Variants in SUSD2 observed in about 807,000 individuals in gnomAD.
SUSD2 encodes sushi domain-containing protein 2.
SUSD2 carries 86 observed loss-of-function variants against 93.8 expected under a neutral mutation model. That is an observed-to-expected ratio of 0.92 (90% confidence interval 0.77 to 1.10). The LOEUF (loss-of-function observed/expected upper bound fraction) is 1.10. SUSD2 is among the 50% of genes least tolerant of loss of function. The pLI is 0.00. For missense variants in SUSD2, 1,060 were observed against 1,137.0 expected (o/e 0.93, Z 0.97); for synonymous variants, 483 against 485.0 (o/e 1.00, Z 0.05).
In SUSD2 at chr22:24,186,426, C is replaced by G; in HGVS notation, c.1642+11C>G. 1 of 1,612,144 alleles carries G rather than the reference C, an allele frequency of 6.2e-7. No homozygotes were observed. Among genetic ancestry groups the G allele is most frequent in the Non-Finnish European group, 8.5e-7 (1 of 1,179,614 alleles). ...GGATGGACCTGAAAGGTGAGCAGTC[C>G]AGCCACGCGAGGCTGCGGGCTGCCC... On this transcript the variant is annotated intron_variant, in intron 10 of 14. Coordinates refer to ENST00000358321, the MANE Select transcript of SUSD2 (RefSeq NM_019601.4).
Position 24,184,867 on chromosome 22 carries a change from G to T in SUSD2, c.709G>T (p.Ala237Ser). The change falls in exon 5 of 15, where the codon GCT becomes TCT. Residue 237 changes from alanine (A) to serine (S), a missense_variant. Transcript: ENST00000358321. ...SGSFTFTPKPAPPSYQRWRVG... is the reference protein window; with the variant it reads ...SGSFTFTPKPSPPSYQRWRVG... ...CTCTTTCACTTTCACCCCAAAACCTGCTCCTCCCAGCTACCAGAGATGGCG... is the reference window on the plus strand; with the variant it reads ...CTCTTTCACTTTCACCCCAAAACCTTCTCCTCCCAGCTACCAGAGATGGCG... 1.2e-6 allele frequency: 2 copies of T among 1,613,988 alleles called. No homozygotes were observed. Among genetic ancestry groups the T allele is most frequent in the South Asian group, 2.2e-5 (2 of 91,092 alleles).
Position 24,188,544 on chromosome 22 carries a change from A to T in SUSD2, c.*108A>T. 9.3e-7 allele frequency: 1 copy of T among 1,070,390 alleles called. No individual in the cohort carries two copies. The highest frequency in any genetic ancestry group is 1.4e-6 in the Non-Finnish European group (1 of 725,218). 66.3% of individuals were successfully genotyped at this position (1,070,390 alleles called of 1,614,324 possible). On this transcript the variant is annotated 3_prime_UTR_variant, in exon 15 of 15. Transcript: ENST00000358321. This position sits in a 1 kb window ranked among gnomAD's most constrained non-coding sequence, Gnocchi z 4.7. The stretch of plus-strand genomic sequence containing the variant: ...CAGACACCTGGGACCTGGATACTTG[A>T]TACCTGGGCATTTAACCCCCTACTC...
intron 10 of SUSD2, chr22:24,186,652 C>CT: frequency 1.8e-6 from 1 of 570,444 alleles, no homozygotes; most frequent in Non-Finnish European, 3.1e-6. Flanking sequence ...CGGGAGCCTT[C>CT]TGGAGGGGAA....
At chr22:24,182,927 A>G (rs1446948454) in intron 1 of SUSD2, 130 bp from the exon 2 acceptor site, 6 of 707,808 alleles carry the variant, frequency 8.5e-6, no homozygotes, top group Non-Finnish European at 9.4e-6. Flanking sequence ...TGGCCTGTGC[A>G]GTTCCTGGCC....
chr22:24,186,090 G>T lies in SUSD2; in HGVS notation c.1414G>T (p.Val472Leu). ...NFTFNGRGEY[V>L]LLEAALTDLR... ...CACATTCAATGGGCGCGGAGAGTAC[G>T]TGCTGCTGGAGGCAGCGCTGACCGA... Residue 472 changes from valine to leucine, a missense_variant, in exon 9 of 15, where the codon GTG becomes TTG. Transcript: ENST00000358321. The T allele has an allele frequency of 6.2e-7, 1 of 1,612,784 alleles. No individual in the cohort carries two copies. Among genetic ancestry groups the T allele is most frequent in the Non-Finnish European group, 8.5e-7 (1 of 1,179,766 alleles).
Position 24,184,125 on chromosome 22 carries a change from C to T in SUSD2, c.440-11C>T, listed in dbSNP as rs2047344474. 1 of 1,611,680 alleles carries T rather than the reference C, an allele frequency of 6.2e-7. No homozygotes were observed. Among genetic ancestry groups the T allele is most frequent in the Non-Finnish European group, 8.5e-7 (1 of 1,179,918 alleles). On this transcript the variant is annotated splice_polypyrimidine_tract_variant and intron_variant, in intron 3 of 14. Coordinates refer to ENST00000358321, the MANE Select transcript of SUSD2 (RefSeq NM_019601.4). ...CCAGGCCCTCACTCACCCCTCACCT[C>T]CCCTGCCCAGTGCACCCCAACAAAG...
intron 3 of SUSD2, 21 bp from the exon 4 acceptor site, chr22:24,184,115 C>G: frequency 6.2e-7 from 1 of 1,610,934 alleles, no homozygotes; most frequent in Non-Finnish European, 8.5e-7. Flanking sequence ...CCCTCACTCA[C>G]CCCTCACCTC....
Position 24,185,270 on chromosome 22 carries a change from C to A in SUSD2, c.959C>A (p.Ala320Asp), listed in dbSNP as rs754265206. Residue 320 changes from alanine to aspartate, a missense_variant, in exon 6 of 15, where the codon GCC becomes GAC. Around this residue, in one of 2 missense-constraint regions of SUSD2, gnomAD observed 973 missense variants for 1,005.3 expected, o/e 0.97. Transcript: ENST00000358321. The part of the protein sequence containing the change: ...LPDCPCTLTQ[A>D]RADSGRFFTD... ...GACTGCCCCTGCACCCTGACCCAGG[C>A]CCGGGCTGACTCCGGCCGCTTCTTC... 5.6e-6 allele frequency: 9 copies of A among 1,605,382 alleles called. 2 individuals carry two copies. In the South Asian group the frequency reaches 9.9e-5, roughly 18 times the overall value.
Position 24,185,871 on chromosome 22 carries a change from C to T in SUSD2, c.1281C>T (p.Pro427=), listed in dbSNP as rs146025959. The part of the protein sequence containing the change: ...YYCCLWAPDC[P]RYMQRRPSND... ...GCTGCCTCTGGGCACCCGACTGCCCCCGCTACATGCAACGGCGGCCCTCCA... is the reference window on the plus strand; with the variant it reads ...GCTGCCTCTGGGCACCCGACTGCCCTCGCTACATGCAACGGCGGCCCTCCA... The change falls in exon 8 of 15, where the codon CCC becomes CCT. Residue 427 remains proline (P), a synonymous_variant. Transcript: ENST00000358321. 5.0e-6 allele frequency: 8 copies of T among 1,593,950 alleles called. No homozygotes were observed. The highest frequency in any genetic ancestry group is 6.8e-6 in the Non-Finnish European group (8 of 1,168,948).
Position 24,183,537 on chromosome 22 carries a change from C to A in SUSD2, c.330C>A (p.Ser110=). The A allele has an allele frequency of 6.2e-7, 1 of 1,613,290 alleles. No homozygotes were observed. Among genetic ancestry groups the A allele is most frequent in the Non-Finnish European group, 8.5e-7 (1 of 1,179,998 alleles). ...SIQTLGHVDS[S]GQVHCVSPLL... ...AGACCCTCGGCCATGTGGACTCCTC[C>A]GGGCAAGTGCACTGTGTGTCACCTC... The change falls in exon 3 of 15, where the codon TCC becomes TCA. Residue 110 remains serine (S), a synonymous_variant. Transcript: ENST00000358321.
In SUSD2 at chr22:24,184,956, T is replaced by G. The variant is rs3752498; in HGVS notation, c.782+16T>G. 151,041 of 1,612,748 alleles carry G rather than the reference T, an allele frequency of 0.094. 7,999 individuals carry two copies. The highest frequency in any genetic ancestry group is 0.2 in the African/African-American group (14,707 of 74,934). ...CAGGGCAGAAGTAAGAAGGCATGGATGTGCAGGTGATGGCTGGAGGGCCTC... is the reference window on the plus strand; with the variant it reads ...CAGGGCAGAAGTAAGAAGGCATGGAGGTGCAGGTGATGGCTGGAGGGCCTC... On this transcript the variant is annotated intron_variant, in intron 5 of 14. Coordinates refer to ENST00000358321, the MANE Select transcript of SUSD2 (RefSeq NM_019601.4).
rs776624038 is a variant in SUSD2, at chr22:24,188,186, C to T, written c.2342-39C>T. 1.1e-5 allele frequency: 17 copies of T among 1,591,902 alleles called. No homozygotes were observed. Among genetic ancestry groups the T allele is most frequent in the Non-Finnish European group, 1.4e-5 (16 of 1,165,508 alleles). The stretch of plus-strand genomic sequence containing the variant: ...GCCTGCACCTGTCCCCACTCACCAC[C>T]CCAGAGAGCCCCCTCACTGACACTC... On this transcript the variant is annotated intron_variant, in intron 13 of 14. Coordinates refer to ENST00000358321, the MANE Select transcript of SUSD2 (RefSeq NM_019601.4). This position sits in a 1 kb window ranked among gnomAD's most constrained non-coding sequence, Gnocchi z 4.7.
chr22:24,182,617 C>T (rs759553478), intron 1 of SUSD2: 80 of 187,330 alleles, frequency 4.3e-4, no homozygotes, highest in Non-Finnish European at 6.6e-4. Context: ...AGGGGTTCTT[C>T]TGCAGGCTTC....
In SUSD2 at chr22:24,186,084, G is replaced by T. The variant is rs1229584273; in HGVS notation, c.1408G>T (p.Glu470Ter). 4 of 1,612,752 alleles carry T rather than the reference G, an allele frequency of 2.5e-6. No homozygotes were observed. In the African/African-American group the frequency reaches 5.3e-5, roughly 22 times the overall value. The change falls in exon 9 of 15, where the codon GAG becomes TAG. Residue 470 changes from glutamate (E) to a stop codon, truncating the protein, a stop_gained. Coordinates refer to ENST00000358321, the MANE Select transcript of SUSD2 (RefSeq NM_019601.4). LOFTEE classifies it high-confidence loss of function. ...CAACTTCACATTCAATGGGCGCGGAGAGTACGTGCTGCTGGAGGCAGCGCT... is the reference window on the plus strand; with the variant it reads ...CAACTTCACATTCAATGGGCGCGGATAGTACGTGCTGCTGGAGGCAGCGCT... ...GTNFTFNGRG[E>*]YVLLEAALTD...
At position 24,185,699 on chromosome 22, in the gene SUSD2, C is replaced by T. The variant is rs773702080; in HGVS notation, c.1109C>T (p.Ala370Val). Residue 370 changes from alanine (A) to valine (V), a missense_variant, in exon 8 of 15, where the codon GCG becomes GTG. Coordinates refer to ENST00000358321, the MANE Select transcript of SUSD2 (RefSeq NM_019601.4). ...TCAGGTCAGCAGTGCTGCTACACAG[C>T]GGACGGGACGCAGCTCCTGACAGCT... Reference protein sequence around the residue: ...YGSGQQCCYTADGTQLLTADS... With the variant: ...YGSGQQCCYTVDGTQLLTADS... 5.6e-6 allele frequency: 9 copies of T among 1,610,718 alleles called. No individual in the cohort carries two copies. Among genetic ancestry groups the T allele is most frequent in the Non-Finnish European group, 7.6e-6 (9 of 1,179,318 alleles).
chr22:24,186,617 G>A (rs2047368224), intron 10 of SUSD2: 1 of 629,004 alleles, frequency 1.6e-6, no homozygotes, highest in African/African-American at 1.8e-5. Context: ...GTGACGGTGG[G>A]ACATGTCCTC....
In SUSD2 at chr22:24,186,103, C is replaced by A. The variant is rs772485457; in HGVS notation, c.1427C>A (p.Ala476Glu). The change falls in exon 9 of 15, where the codon GCA becomes GAA. Residue 476 changes from alanine (A) to glutamate (E), a missense_variant. Physicochemically the swap from Ala to Glu is moderately radical, Grantham distance 107. This residue lies in a region of SUSD2 where 973 missense variants were observed against 1,005.3 expected (regional missense o/e 0.97). Transcript: ENST00000358321. ...CGCGGAGAGTACGTGCTGCTGGAGG[C>A]AGCGCTGACCGACCTGAGGGTGCAG... ...NGRGEYVLLE[A>E]ALTDLRVQAR... The A allele has an allele frequency of 6.2e-7, 1 of 1,612,498 alleles. No homozygotes were observed. The highest frequency in any genetic ancestry group is 1.1e-5 in the South Asian group (1 of 91,036).
rs748965970 is a variant in SUSD2, at chr22:24,185,499, G to A, written c.998G>A (p.Cys333Tyr). Residue 333 changes from cysteine to tyrosine, a missense_variant, in exon 7 of 15, where the codon TGT (cysteine) becomes TAT (tyrosine). Physicochemically the swap from Cys to Tyr is radical, Grantham distance 194. Around this residue, in one of 2 missense-constraint regions of SUSD2, gnomAD observed 973 missense variants for 1,005.3 expected, o/e 0.97. Coordinates refer to ENST00000358321, the MANE Select transcript of SUSD2 (RefSeq NM_019601.4). Reference protein sequence around the residue: ...DSGRFFTDYGCDMEQGSVCTY... With the variant: ...DSGRFFTDYGYDMEQGSVCTY... ...GCTGCTCTGCAGACGGACTACGGCT[G>A]TGACATGGAGCAGGGCAGCGTGTGC... The A allele has an allele frequency of 1.3e-6, 2 of 1,567,522 alleles. No homozygotes were observed. Among genetic ancestry groups the A allele is most frequent in the South Asian group, 2.3e-5 (2 of 85,808 alleles).
rs191920359 is a variant in SUSD2 at position 24,188,211 on chromosome 22, C to T, written c.2342-14C>T. On this transcript the variant is annotated splice_polypyrimidine_tract_variant and intron_variant, in intron 13 of 14. Coordinates refer to ENST00000358321, the MANE Select transcript of SUSD2 (RefSeq NM_019601.4). The surrounding 1 kb of genome is among the most constrained non-coding windows in gnomAD (Gnocchi z 4.7). The stretch of plus-strand genomic sequence containing the variant: ...CCCAGAGAGCCCCCTCACTGACACT[C>T]GCTCCCTCACCAGGACGCAGCTACG... 53 of 1,590,392 alleles carry T rather than the reference C, an allele frequency of 3.3e-5. 1 individual carries two copies. The African/African-American group carries it at 4.0e-4, about 12-fold the overall frequency.
Sources: allele counts gnomAD v4.1 joint callset, GRCh38; gene constraint gnomAD v4.1.1; regional missense constraint gnomAD v4.1.1; non-coding constraint Gnocchi (gnomAD v3.1); transcripts MANE v1.5; gene names NCBI Gene and HGNC (gene_info 2026-07-23, HGNC 2026-07-21).